The following TRIO variants were observed in gnomAD, a reference collection of about 807,000 sequenced individuals.
The protein encoded by TRIO is trio Rho guanine nucleotide exchange factor, also known as triple functional domain protein.
A neutral mutation model predicts 351.9 loss-of-function variants in TRIO; 58 were observed. That is an observed-to-expected ratio of 0.16 (90% CI 0.13 to 0.21). TRIO has a LOEUF of 0.21. Ranked by LOEUF, TRIO falls within the 10% of genes least tolerant of loss-of-function variation. The probability of loss-of-function intolerance (pLI) is 1.00; values close to 1 mark genes in which losing one functional copy is unlikely to be tolerated. For synonymous variants in TRIO, 1,758 were observed against 1,595.7 expected (o/e 1.10, Z -2.42); for missense variants, 3,201 against 4,027.8 (o/e 0.79, Z 5.56).
chr5:14,165,880 G>A (rs1038813241), intron 1 of TRIO, among the ~76,000 whole-genome samples: 2 of 152,244 alleles, frequency 1.3e-5, no homozygotes, highest in African/African-American at 4.8e-5. Flanking sequence ...TGGGATGGTA[G>A]GTGGCCGCTA....
chr5:14,434,705 T>C (rs571873897), intron 34 of TRIO, among the ~76,000 whole-genome samples: 145 of 152,354 alleles, frequency 9.5e-4, no homozygotes, highest in Non-Finnish European at 1.5e-3. Context: ...TCTGGCTTAA[T>C]AGTCAATTAA....
At chr5:14,432,192 A>G (rs1158295890) in intron 34 of TRIO, among the ~76,000 whole-genome samples, 1 of 152,218 alleles carries the variant, frequency 6.6e-6, no homozygotes, top group Admixed American at 6.5e-5. Flanking sequence ...CAACGTAGAC[A>G]TACACCATTA....
Position 14,331,424 on chromosome 5 carries a change from A to G in TRIO, c.1854+524A>G, listed in dbSNP as rs183361206. Among the ~76,000 whole-genome samples the G allele has an allele frequency of 1.4e-4, 21 of 152,354 alleles. No homozygotes were observed. The East Asian group carries it at 4.0e-3, about 29-fold the overall frequency. On this transcript the variant is annotated intron_variant, in intron 10 of 56. Coordinates refer to ENST00000344204, the MANE Select transcript of TRIO (RefSeq NM_007118.4). ...AAAAATAAGCCCAGTAATTTATTTA[A>G]TAAGATTTTTCTTATAGTCAACTTC...
Position 14,148,274 on chromosome 5 carries a change from G to A in TRIO, c.157+4392G>A, listed in dbSNP as rs552696488. ...TACCCTAAAAATATGTAATTTCAGT[G>A]GCCTTTTTTGACCTTTTAAATGTTA... On this transcript the variant is annotated intron_variant, in intron 1 of 56. Coordinates refer to ENST00000344204, the MANE Select transcript of TRIO (RefSeq NM_007118.4). 2.0e-5 allele frequency among the ~76,000 whole-genome samples: 3 copies of A among 152,196 alleles called. No individual in the cohort carries two copies. In the South Asian group the frequency reaches 6.2e-4, roughly 32 times the overall value.
chr5:14,389,524 C>G (rs900381167), intron 25 of TRIO, 126 bp downstream of exon 25: 18 of 635,356 alleles, frequency 2.8e-5, no homozygotes, highest in Middle Eastern at 3.0e-4. Flanking sequence ...TTGAATGAAG[C>G]CTATCAGTCT....
chr5:14,328,976 A>C (rs947031241), intron 9 of TRIO, among the ~76,000 whole-genome samples: 1 of 152,112 alleles, frequency 6.6e-6, no homozygotes, highest in Non-Finnish European at 1.5e-5. Flanking sequence ...TGTAATACTA[A>C]CTTTGCTAGA....
intron 34 of TRIO, among the ~76,000 whole-genome samples, chr5:14,434,444 A>G (rs918598752): frequency 2.0e-5 from 3 of 151,352 alleles, no homozygotes; most frequent in African/African-American, 7.3e-5. Flanking sequence ...TCATACTCTC[A>G]GTTTCTTTAG....
At chr5:14,385,074 G>A (rs971400995) in intron 21 of TRIO, among the ~76,000 whole-genome samples, 2 of 152,166 alleles carry the variant, frequency 1.3e-5, no homozygotes, top group South Asian at 2.1e-4. Flanking sequence ...TGGATTAGCC[G>A]AGATCAAAAA....
At chr5:14,403,695 T>TGCAG (rs1748410765) in intron 31 of TRIO, among the ~76,000 whole-genome samples, 1 of 102,996 alleles carries the variant, frequency 9.7e-6, no homozygotes, top group Non-Finnish European at 2.0e-5. Flanking sequence ...GTGGTGAGGG[T>TGCAG]GTAGGTTGTG....
intron 1 of TRIO, among the ~76,000 whole-genome samples, chr5:14,172,493 C>G (rs1789156718): frequency 6.6e-6 from 1 of 152,152 alleles, no homozygotes; most frequent in Non-Finnish European, 1.5e-5. Flanking sequence ...GAATAAAGCC[C>G]CTTCTGTTGA....
At chr5:14,204,584 A>G (rs1256733926) in intron 1 of TRIO, among the ~76,000 whole-genome samples, 9 of 152,180 alleles carry the variant, frequency 5.9e-5, no homozygotes, top group Non-Finnish European at 1.0e-4. Context: ...TTAAGTAGAG[A>G]TTTCAAGAAA....
At chr5:14,454,846 C>A (rs1436218167) in intron 34 of TRIO, among the ~76,000 whole-genome samples, 3 of 152,170 alleles carry the variant, frequency 2.0e-5, no homozygotes, top group Non-Finnish European at 4.4e-5. Flanking sequence ...GATGGTGTGT[C>A]CGGAGGTTGT....
chr5:14,485,275 G>GC, intron 47 of TRIO, 29 bp downstream of exon 47: 1 of 1,546,948 alleles, frequency 6.5e-7, no homozygotes, highest in Non-Finnish European at 8.8e-7. Flanking sequence ...CTAGATGTGT[G>GC]CTTTCTTTCC....
At chr5:14,299,167 A>G (rs1221240571) in intron 7 of TRIO, among the ~76,000 whole-genome samples, 2 of 152,232 alleles carry the variant, frequency 1.3e-5, no homozygotes, top group Non-Finnish European at 2.9e-5. Context: ...GTGTTTTATT[A>G]TAAAAAATTT....
intron 1 of TRIO, among the ~76,000 whole-genome samples, chr5:14,157,407 C>T (rs1349754651): frequency 2.6e-5 from 4 of 151,390 alleles, no homozygotes; most frequent in Non-Finnish European, 1.5e-5. Flanking sequence ...CCCTCCCCGC[C>T]TCCCTCCCTG....
intron 3 of TRIO, among the ~76,000 whole-genome samples, chr5:14,285,024 GA>G (rs1736319822): frequency 6.6e-6 from 1 of 152,122 alleles, no homozygotes; most frequent in Non-Finnish European, 1.5e-5. Context: ...AGGAAGTCTA[GA>G]ATGCTTAATT....
In TRIO at chr5:14,396,443, C is replaced by CT. The variant is rs1173121592; in HGVS notation, c.4312-556dup. ...ATAATAATTAAATATTTCTATTTAT[C>CT]TTTTTTTTTTTTTTTTTTTTTTTTT... On this transcript the variant is annotated intron_variant, in intron 28 of 56. Transcript: ENST00000344204. 8.7e-4 allele frequency among the ~76,000 whole-genome samples: 36 copies of CT among 41,544 alleles called. 4 individuals are homozygous for CT. The highest frequency in any genetic ancestry group is 1.5e-3 in the South Asian group (1 of 646). 27.3% of individuals were successfully genotyped at this position (41,544 alleles called of 152,430 possible). A position where few individuals can be genotyped will look rare whatever the true frequency, so the allele number is the denominator to read the frequency against.
In TRIO at chr5:14,147,952, G is replaced by T. The variant is rs1036514434; in HGVS notation, c.157+4070G>T. ...AGTGAATGTTGGTTTCTCCTTTTTA[G>T]GTGGCACAGTCAGTTTTAGAGGAAA... On this transcript the variant is annotated intron_variant, in intron 1 of 56. Transcript: ENST00000344204. 3.0e-4 allele frequency among the ~76,000 whole-genome samples: 45 copies of T among 152,306 alleles called. 1 individual carries two copies. Among genetic ancestry groups the T allele is most frequent in the Middle Eastern group, 6.8e-3 (2 of 294 alleles).
chr5:14,156,667 T>A (rs1227337925), intron 1 of TRIO, among the ~76,000 whole-genome samples: 6 of 152,184 alleles, frequency 3.9e-5, no homozygotes, highest in Non-Finnish European at 7.3e-5. Context: ...TCCTAGAATA[T>A]GCAGAAAGTA....
Sources: gnomAD v4.1 joint callset for allele counts (sites outside exome capture counted in the v4.1 genomes callset) on GRCh38, gnomAD v4.1.1 for gene constraint, MANE v1.5 for transcripts, NCBI Gene and HGNC (gene_info 2026-07-23, HGNC 2026-07-21) for gene names.